The following TAF3 variants were observed in gnomAD, a reference collection of about 807,000 sequenced individuals.
TAF3 encodes the protein TATA-box binding protein associated factor 3, also known as transcription initiation factor TFIID subunit 3.
Under a neutral mutation model 80.6 loss-of-function variants are expected in TAF3, and 7 were observed. The ratio of observed to expected loss-of-function variants is 0.09; its 90% confidence interval spans 0.05 to 0.16. The LOEUF (loss-of-function observed/expected upper bound fraction) is 0.16. Ranked by LOEUF, TAF3 falls within the 10% of genes least tolerant of loss-of-function variation. The pLI, the probability that TAF3 is intolerant of heterozygous loss-of-function variation, is 1.00. For missense variants in TAF3, 921 were observed against 1,140.2 expected (o/e 0.81, Z 2.77); for synonymous variants, 444 against 446.1 (o/e 1.00, Z 0.06).
intron 2 of TAF3, among the ~76,000 whole-genome samples, chr10:7,935,411 C>G (rs1837908021): frequency 6.6e-6 from 1 of 151,708 alleles, no homozygotes; most frequent in Non-Finnish European, 1.5e-5. Flanking sequence ...TGGTGAAACC[C>G]CGTCTTGACT....
intron 2 of TAF3, among the ~76,000 whole-genome samples, chr10:7,872,918 T>C (rs1350278636): frequency 6.6e-6 from 1 of 152,160 alleles, no homozygotes; most frequent in African/African-American, 2.4e-5. Context: ...GCAGGGAGTT[T>C]AGAGAGAATC....
At chr10:7,958,773 T>G (rs1838161236) in intron 2 of TAF3, among the ~76,000 whole-genome samples, 1 of 152,198 alleles carries the variant, frequency 6.6e-6, no homozygotes, top group Non-Finnish European at 1.5e-5. Context: ...TGCTGGTAGG[T>G]ATCAGATCAT....
intron 2 of TAF3, among the ~76,000 whole-genome samples, chr10:7,901,252 A>G (rs1447774307): frequency 6.6e-6 from 1 of 152,236 alleles, no homozygotes; most frequent in East Asian, 1.9e-4. Context: ...ACTTTAAAAT[A>G]CATAAATACA....
rs1832103811 is a variant in TAF3, at chr10:8,016,307, A to G, written c.*1556A>G. 6.6e-6 allele frequency: 1 copy of G among 152,188 alleles called. No homozygotes were observed. Among genetic ancestry groups the G allele is most frequent in the Non-Finnish European group, 1.5e-5 (1 of 68,036 alleles). The allele number at this position is 152,188 out of a possible 1,614,324, so 9.4% of individuals were successfully genotyped here. A position where few individuals can be genotyped will look rare whatever the true frequency, so the allele number is the denominator to read the frequency against. ...CAAGTAAATTGATATTAGTGTATGA[A>G]TTAGTCATATTTTAAAACATTATGT... On this transcript the variant is annotated 3_prime_UTR_variant, in exon 7 of 7. Transcript: ENST00000344293.
intron 2 of TAF3, among the ~76,000 whole-genome samples, chr10:7,863,668 CACACATATATATATATACACACACAT>C (rs1837174604): frequency 1.3e-5 from 1 of 74,894 alleles, no homozygotes; most frequent in Non-Finnish European, 2.6e-5. Flanking sequence ...TATATATATA[CACACATATATATATATACACACACAT>C]ATATATATAT....
intron 2 of TAF3, among the ~76,000 whole-genome samples, chr10:7,832,518 C>T (rs960792670): frequency 6.6e-6 from 1 of 151,980 alleles, no homozygotes; most frequent in Non-Finnish European, 1.5e-5. Flanking sequence ...GGATATTTAC[C>T]ACCTGAAGCA....
Position 7,891,087 on chromosome 10 carries a change from A to G in TAF3, c.409+66527A>G, listed in dbSNP as rs566374609. 6.6e-5 allele frequency among the ~76,000 whole-genome samples: 10 copies of G among 152,358 alleles called. No homozygotes were observed. The South Asian group carries it at 2.1e-3, about 32-fold the overall frequency. On this transcript the variant is annotated intron_variant, in intron 2 of 6. Coordinates refer to ENST00000344293, the MANE Select transcript of TAF3 (RefSeq NM_031923.4). Reference sequence around the variant, plus strand: ...GTGAGTGACAGCAGATGTGTTTTAGAGAAAAATGGAGAGGACATTTGTTAA... The same window carrying G: ...GTGAGTGACAGCAGATGTGTTTTAGGGAAAAATGGAGAGGACATTTGTTAA...
At chr10:7,895,483 TTC>T (rs1212298591) in intron 2 of TAF3, among the ~76,000 whole-genome samples, 1 of 152,228 alleles carries the variant, frequency 6.6e-6, no homozygotes, top group Non-Finnish European at 1.5e-5. Flanking sequence ...GCATCACACT[TTC>T]TTACTGACAT....
intron 4 of TAF3, among the ~76,000 whole-genome samples, chr10:8,003,110 T>G (rs777133667): frequency 1.3e-5 from 2 of 152,226 alleles, no homozygotes; most frequent in Non-Finnish European, 2.9e-5. Context: ...GACAACTGAA[T>G]CACTTAGACC....
In TAF3 at chr10:7,964,131, T is replaced by C; in HGVS notation, c.621T>C (p.Val207=). ...GCACTAAAGGGGACACGCTAGATGT[T>C]GTGTTATTGGAAGCTCGAGAGCCAC... ...LLSTKGDTLD[V]VLLEAREPLS... Residue 207 remains valine (V), a synonymous_variant, in exon 3 of 7, where the codon GTT becomes GTC. Transcript: ENST00000344293. The surrounding 1 kb of genome is among the most constrained non-coding windows in gnomAD (Gnocchi z 4.1). 6.2e-7 allele frequency: 1 copy of C among 1,614,100 alleles called. No homozygotes were observed. The highest frequency in any genetic ancestry group is 2.2e-5 in the East Asian group (1 of 44,872).
At chr10:7,858,628 C>T (rs1353005282) in intron 2 of TAF3, among the ~76,000 whole-genome samples, 1 of 152,250 alleles carries the variant, frequency 6.6e-6, no homozygotes, top group Admixed American at 6.5e-5. Context: ...GTGTGTTCTG[C>T]CTGTCAATAT....
intron 2 of TAF3, among the ~76,000 whole-genome samples, chr10:7,903,865 C>T (rs961863448): frequency 6.6e-6 from 1 of 151,944 alleles, no homozygotes; most frequent in South Asian, 2.1e-4. Context: ...CTTACAGTCT[C>T]TCGGGGGACA....
chr10:7,857,814 A>C (rs558171904), intron 2 of TAF3, among the ~76,000 whole-genome samples: 15 of 152,246 alleles, frequency 9.9e-5, no homozygotes, highest in Admixed American at 3.3e-4. Flanking sequence ...AAATTAGAGA[A>C]GTTATGAAAG....
At chr10:7,844,641 G>C (rs1045757411) in intron 2 of TAF3, among the ~76,000 whole-genome samples, 3 of 152,114 alleles carry the variant, frequency 2.0e-5, no homozygotes, top group African/African-American at 7.2e-5. Flanking sequence ...CTTCCAAAGT[G>C]CTGGGATTAC....
At chr10:7,876,911 G>C (rs562611665) in intron 2 of TAF3, among the ~76,000 whole-genome samples, 1 of 152,136 alleles carries the variant, frequency 6.6e-6, no homozygotes, top group East Asian at 1.9e-4. Flanking sequence ...CCTATCACTT[G>C]TACTTTGATT....
rs1291921135 is a variant in TAF3, at chr10:7,842,161, TTTGTTTTTTTTTTTG to T, written c.409+17604_409+17618del. On this transcript the variant is annotated intron_variant, in intron 2 of 6. Transcript: ENST00000344293. ...TATTGAATTAATATTGTTTTTTTTTTTTGTTTTTTTTTTTGTTTTTTTTTTTTTTTGAGACAGAGT... is the reference window on the plus strand; with the variant it reads ...TATTGAATTAATATTGTTTTTTTTTTTTTTTTTTTTTTTTTGAGACAGAGT... Among the ~76,000 whole-genome samples, 67 of 106,544 alleles carry T rather than the reference TTTGTTTTTTTTTTTG, an allele frequency of 6.3e-4. 1 individual carries two copies. The highest frequency in any genetic ancestry group is 9.8e-4 in the Non-Finnish European group (50 of 50,822). 69.9% of individuals were successfully genotyped at this position (106,544 alleles called of 152,430 possible). A position where few individuals can be genotyped will look rare whatever the true frequency, so the allele number is the denominator to read the frequency against.
chr10:7,948,874 CTTT>C (rs1380148008), intron 2 of TAF3, among the ~76,000 whole-genome samples: 1 of 152,088 alleles, frequency 6.6e-6, no homozygotes, highest in East Asian at 1.9e-4. Context: ...ACTGAGCTTT[CTTT>C]ATTAAATGGT....
At position 7,945,326 on chromosome 10, in the gene TAF3, GA is replaced by G. The variant is rs1255848557; in HGVS notation, c.410-18593del. Among the ~76,000 whole-genome samples the G allele has an allele frequency of 2.0e-5, 3 of 152,166 alleles. No individual in the cohort carries two copies. The East Asian group carries it at 5.8e-4, about 29-fold the overall frequency. ...TATTGGGTGTGGTTGTTTTAAATCT[GA>G]CCAGTCATCTTATTTACTTATTACT... is the stretch of plus-strand genomic sequence containing the variant. On this transcript the variant is annotated intron_variant, in intron 2 of 6. Coordinates refer to ENST00000344293, the MANE Select transcript of TAF3 (RefSeq NM_031923.4).
At position 8,015,296 on chromosome 10, in the gene TAF3, C is replaced by T. The variant is rs1013851562; in HGVS notation, c.*545C>T. On this transcript the variant is annotated 3_prime_UTR_variant, in exon 7 of 7. Transcript: ENST00000344293. ...CTCCTTCCCCCGTTTTTAGTACTAACATGTAAAATGTTCAGGCTTTTGTGA... is the reference window on the plus strand; with the variant it reads ...CTCCTTCCCCCGTTTTTAGTACTAATATGTAAAATGTTCAGGCTTTTGTGA... 2.6e-5 allele frequency: 4 copies of T among 152,182 alleles called. No homozygotes were observed. The highest frequency in any genetic ancestry group is 4.4e-5 in the Non-Finnish European group (3 of 68,074). The allele number at this position is 152,182 out of a possible 1,614,324, so 9.4% of individuals were successfully genotyped here. A position where few individuals can be genotyped will look rare whatever the true frequency, so the allele number is the denominator to read the frequency against.
Sources: allele counts gnomAD v4.1 joint callset (sites outside exome capture counted in the v4.1 genomes callset), GRCh38; gene constraint gnomAD v4.1.1; non-coding constraint Gnocchi (gnomAD v3.1); transcripts MANE v1.5; gene names NCBI Gene and HGNC (gene_info 2026-07-23, HGNC 2026-07-21).